Variants in ZNF385D observed in about 807,000 individuals in gnomAD.
ZNF385D encodes the protein zinc finger protein 659.
Under a neutral mutation model 35.8 loss-of-function variants are expected in ZNF385D, and 15 were observed. The observed-to-expected ratio is 0.42, with a 90% CI of 0.28 to 0.64. The LOEUF is 0.64. Ranked by LOEUF, ZNF385D falls within the 30% of genes least tolerant of loss-of-function variation. The pLI, the probability that ZNF385D is intolerant of heterozygous loss-of-function variation, is 0.23. For missense variants in ZNF385D, 474 were observed against 494.6 expected (o/e 0.96, Z 0.39); for synonymous variants, 212 against 186.8 (o/e 1.13, Z -1.10).
intron 2 of ZNF385D, among the ~76,000 whole-genome samples, chr3:21,584,473 C>G (rs187896488): frequency 6.6e-6 from 1 of 152,072 alleles, no homozygotes; most frequent in Non-Finnish European, 1.5e-5. Context: ...CTTTTTTACA[C>G]TTGATCTTAG....
At chr3:22,205,354 A>T (rs756436534) in intron 2 of ZNF385D, among the ~76,000 whole-genome samples, 46 of 152,004 alleles carry the variant, frequency 3.0e-4, no homozygotes, top group Non-Finnish European at 5.1e-4. Flanking sequence ...GACCTGTGCT[A>T]TAAGAAATGC....
At chr3:21,445,926 T>G (rs1188548070) in intron 4 of ZNF385D, among the ~76,000 whole-genome samples, 3 of 152,224 alleles carry the variant, frequency 2.0e-5, no homozygotes, top group East Asian at 1.9e-4. Context: ...TTTATGCTCC[T>G]TTGGCTCTCA....
intron 3 of ZNF385D, among the ~76,000 whole-genome samples, chr3:21,888,470 G>A (rs768436084): frequency 2.0e-5 from 3 of 152,082 alleles, no homozygotes; most frequent in Non-Finnish European, 4.4e-5. Context: ...GATTTCTCGT[G>A]GTTCCTAGAG....
intron 2 of ZNF385D, among the ~76,000 whole-genome samples, chr3:22,371,376 C>T (rs553833797): frequency 4.3e-4 from 65 of 151,080 alleles, no homozygotes; most frequent in African/African-American, 1.6e-3. Flanking sequence ...TAGAACAGCG[C>T]CAGCTCTAGG....
intron 3 of ZNF385D, among the ~76,000 whole-genome samples, chr3:22,167,080 G>A: frequency 6.6e-6 from 1 of 152,172 alleles, no homozygotes; most frequent in East Asian, 1.9e-4. Context: ...ATAGGGGCAG[G>A]CCCCTGGTGA....
intron 3 of ZNF385D, among the ~76,000 whole-genome samples, chr3:21,954,988 C>G (rs1488585179): frequency 6.6e-6 from 1 of 152,050 alleles, no homozygotes; most frequent in African/African-American, 2.4e-5. Context: ...TGGTGATGCC[C>G]CTGTGAGTTC....
chr3:21,762,386 T>G (rs1003832119), intron 3 of ZNF385D, among the ~76,000 whole-genome samples: 1 of 152,134 alleles, frequency 6.6e-6, no homozygotes, highest in African/African-American at 2.4e-5. Context: ...TCTTTTCCAC[T>G]GTCTCAACCG....
At chr3:21,824,425 ATCT>A (rs910251061) in intron 3 of ZNF385D, among the ~76,000 whole-genome samples, 23 of 147,444 alleles carry the variant, frequency 1.6e-4, no homozygotes, top group Admixed American at 5.4e-4. Flanking sequence ...AAAAAACAAA[ATCT>A]TCTTCTTTAA....
intron 2 of ZNF385D, among the ~76,000 whole-genome samples, chr3:22,258,228 A>G (rs995539183): frequency 6.6e-6 from 1 of 151,812 alleles, no homozygotes; most frequent in Non-Finnish European, 1.5e-5. Context: ...ACTGGAGTCT[A>G]ATACTGTGAA....
At chr3:21,619,423 T>C (rs924957876) in intron 2 of ZNF385D, among the ~76,000 whole-genome samples, 1 of 151,966 alleles carries the variant, frequency 6.6e-6, no homozygotes, top group African/African-American at 2.4e-5. Flanking sequence ...CGTGTGTGTG[T>C]GTGTGTGTGT....
At chr3:22,205,676 T>C (rs1697101226) in intron 2 of ZNF385D, among the ~76,000 whole-genome samples, 1 of 152,050 alleles carries the variant, frequency 6.6e-6, no homozygotes, top group Non-Finnish European at 1.5e-5. Flanking sequence ...AGTGTTAAGT[T>C]GTCATCAGAT....
intron 2 of ZNF385D, among the ~76,000 whole-genome samples, chr3:22,244,059 A>G (rs1699634847): frequency 6.6e-6 from 1 of 150,942 alleles, no homozygotes. Context: ...GAACAAAGTT[A>G]CTGAAAAACC....
At chr3:21,757,120 C>CTTTTTTTTTTTTTTTTTTTTTT (rs61226426) in intron 3 of ZNF385D, among the ~76,000 whole-genome samples, 86 of 106,404 alleles carry the variant, frequency 8.1e-4, no homozygotes, top group African/African-American at 1.1e-3. Flanking sequence ...ATAAATTTCT[C>CTTTTTTTTTTTTTTTTTTTTTT]TTTTTTTTTT....
chr3:21,624,650 A>T (rs2065087853), intron 2 of ZNF385D, among the ~76,000 whole-genome samples: 1 of 151,988 alleles, frequency 6.6e-6, no homozygotes, highest in African/African-American at 2.4e-5. Flanking sequence ...AGAACTTAGG[A>T]AGGAAACCAT....
In ZNF385D at chr3:21,506,155, C is replaced by A. The variant is rs1051614223; in HGVS notation, c.439+4706G>T. 2.0e-5 allele frequency among the ~76,000 whole-genome samples: 3 copies of A among 152,228 alleles called. No individual in the cohort carries two copies. In the South Asian group the frequency reaches 6.2e-4, roughly 32 times the overall value. On this transcript the variant is annotated intron_variant, in intron 4 of 7. Transcript: ENST00000281523. ...TAGAGGAGAATTATTCTTGCCTGCCCCATTGTAATCAGGCTTGGCCATGTA... is the reference window on the plus strand; with the variant it reads ...TAGAGGAGAATTATTCTTGCCTGCCACATTGTAATCAGGCTTGGCCATGTA...
chr3:21,780,028 G>A (rs1308198598), intron 3 of ZNF385D, among the ~76,000 whole-genome samples: 1 of 151,880 alleles, frequency 6.6e-6, no homozygotes, highest in African/African-American at 2.4e-5. Context: ...CATCTATTGT[G>A]TTACATGAAA....
intron 2 of ZNF385D, among the ~76,000 whole-genome samples, chr3:22,262,921 G>A (rs1042302521): frequency 1.2e-4 from 18 of 151,872 alleles, no homozygotes; most frequent in African/African-American, 3.6e-4. Flanking sequence ...CCAGGCACAG[G>A]TGCCTATGAG....
intron 3 of ZNF385D, among the ~76,000 whole-genome samples, chr3:21,794,044 G>A (rs1402619035): frequency 1.3e-5 from 2 of 152,152 alleles, no homozygotes; most frequent in Non-Finnish European, 2.9e-5. Flanking sequence ...AGAAGATATG[G>A]AGAGAGCACA....
At chr3:21,971,200 A>G (rs914768736) in intron 3 of ZNF385D, among the ~76,000 whole-genome samples, 4 of 152,146 alleles carry the variant, frequency 2.6e-5, no homozygotes, top group African/African-American at 9.6e-5. Flanking sequence ...TATGGTGTAT[A>G]AACTACTCAT....
Sources: allele counts gnomAD v4.1 joint callset (sites outside exome capture counted in the v4.1 genomes callset), GRCh38; gene constraint gnomAD v4.1.1; transcripts MANE v1.5; gene names NCBI Gene and HGNC (gene_info 2026-07-23, HGNC 2026-07-21).